The following ALK variants were observed in gnomAD, a reference collection of about 807,000 sequenced individuals.
ALK encodes ALK receptor tyrosine kinase, also known as ALK tyrosine kinase receptor.
A neutral mutation model predicts 163.1 loss-of-function variants in ALK; 74 were observed. The ratio of observed to expected loss-of-function variants is 0.45; its 90% CI spans 0.38 to 0.55. ALK has a LOEUF of 0.55. Ranked by LOEUF, ALK falls within the 20% of genes least tolerant of loss-of-function variation. ALK has a pLI of 0.00. For missense variants in ALK, 2,063 were observed against 2,105.3 expected (o/e 0.98, Z 0.39); for synonymous variants, 960 against 843.2 (o/e 1.14, Z -2.40).
chr2:29,852,435 CAAGT>C (rs1184516751), intron 1 of ALK, among the ~76,000 whole-genome samples: 1 of 152,182 alleles, frequency 6.6e-6, no homozygotes, highest in Non-Finnish European at 1.5e-5. Flanking sequence ...GCCAGACCTA[CAAGT>C]AAGACAGTTG....
intron 4 of ALK, among the ~76,000 whole-genome samples, chr2:29,457,549 C>G (rs1346528651): frequency 1.3e-5 from 2 of 152,144 alleles, no homozygotes; most frequent in Non-Finnish European, 1.5e-5. Flanking sequence ...GCCCTGAACC[C>G]TATTGTACAC....
At chr2:29,680,403 A>T (rs1456784051) in intron 3 of ALK, among the ~76,000 whole-genome samples, 1 of 152,096 alleles carries the variant, frequency 6.6e-6, no homozygotes, top group Non-Finnish European at 1.5e-5. Context: ...AGGGTGAAAA[A>T]TTTATACTGG....
At chr2:29,646,822 T>A (rs1441017373) in intron 3 of ALK, among the ~76,000 whole-genome samples, 1 of 152,200 alleles carries the variant, frequency 6.6e-6, no homozygotes, top group Non-Finnish European at 1.5e-5. Context: ...ACTCCTGCCT[T>A]CCTTGCTTTA....
chr2:29,451,868 C>T (rs931506201), intron 4 of ALK, among the ~76,000 whole-genome samples: 6 of 152,132 alleles, frequency 3.9e-5, no homozygotes, highest in Admixed American at 6.5e-5. Context: ...GTCCAGTGGA[C>T]GTTATTGCCA....
At chr2:29,205,792 C>T (rs915417684) in intron 26 of ALK, among the ~76,000 whole-genome samples, 6 of 152,176 alleles carry the variant, frequency 3.9e-5, no homozygotes, top group African/African-American at 1.4e-4. Context: ...AACTTCATCA[C>T]ATCTGCAAAG....
chr2:29,782,226 C>A (rs1039868814), intron 1 of ALK, among the ~76,000 whole-genome samples: 3 of 152,166 alleles, frequency 2.0e-5, no homozygotes, highest in African/African-American at 7.2e-5. Context: ...TGAGATTAGA[C>A]AAGGATTCTC....
intron 3 of ALK, among the ~76,000 whole-genome samples, chr2:29,615,656 T>C (rs1455481526): frequency 6.6e-6 from 1 of 152,218 alleles, no homozygotes; most frequent in Non-Finnish European, 1.5e-5. Context: ...ACTGGGAGGA[T>C]CCTTCATAGC....
At chr2:29,200,731 AT>A (rs2148146163) in intron 26 of ALK, among the ~76,000 whole-genome samples, 1 of 144,192 alleles carries the variant, frequency 6.9e-6, no homozygotes, top group African/African-American at 2.5e-5. Flanking sequence ...GTATATATGT[AT>A]ATATATACGT....
chr2:29,507,133 T>C (rs1011884488), intron 4 of ALK, among the ~76,000 whole-genome samples: 8 of 152,174 alleles, frequency 5.3e-5, no homozygotes, highest in African/African-American at 9.7e-5. Flanking sequence ...CAAGTCTCCA[T>C]TGACAGATGA....
At chr2:29,324,742 C>T (rs1039693597) in intron 6 of ALK, among the ~76,000 whole-genome samples, 2 of 152,194 alleles carry the variant, frequency 1.3e-5, no homozygotes, top group Non-Finnish European at 2.9e-5. Context: ...CGAAGACCCC[C>T]TTCAGTGCAT....
At chr2:29,629,459 G>C (rs542120270) in intron 3 of ALK, among the ~76,000 whole-genome samples, 23 of 152,156 alleles carry the variant, frequency 1.5e-4, no homozygotes, top group Admixed American at 6.5e-5. Flanking sequence ...TCTTGAGATG[G>C]AATATAGAAC....
At chr2:29,221,370 C>A in intron 22 of ALK, 1 of 427,974 alleles carries the variant, frequency 2.3e-6, no homozygotes, top group Non-Finnish European at 4.6e-6. Context: ...AACATGATCC[C>A]TTTAGGACAC....
chr2:29,683,124 C>T (rs1266349918), intron 3 of ALK, among the ~76,000 whole-genome samples: 2 of 152,172 alleles, frequency 1.3e-5, no homozygotes, highest in African/African-American at 4.8e-5. Context: ...CACCTGTAAT[C>T]TCAGCACTTT....
chr2:29,582,091 C>A (rs1674714029), intron 3 of ALK, among the ~76,000 whole-genome samples: 1 of 152,190 alleles, frequency 6.6e-6, no homozygotes, highest in Admixed American at 6.5e-5. Context: ...AAAGAAATAT[C>A]TCCCACTTAA....
chr2:29,666,063 T>A (rs1440107993), intron 3 of ALK, among the ~76,000 whole-genome samples: 3 of 152,146 alleles, frequency 2.0e-5, no homozygotes, highest in Admixed American at 2.0e-4. Context: ...CCATTTTCAA[T>A]TAATTTCCTG....
intron 1 of ALK, among the ~76,000 whole-genome samples, chr2:29,754,608 T>A (rs1286086932): frequency 2.0e-5 from 3 of 152,030 alleles, no homozygotes; most frequent in Admixed American, 2.0e-4. Context: ...GAGGATCGCT[T>A]GAGTTTGGGA....
intron 3 of ALK, among the ~76,000 whole-genome samples, chr2:29,685,794 A>G (rs1356261448): frequency 6.6e-6 from 1 of 152,214 alleles, no homozygotes; most frequent in African/African-American, 2.4e-5. Context: ...AAGAAGTCTA[A>G]AATGGGTTGG....
chr2:29,318,448 C>G (rs1666900419), intron 7 of ALK, 44 bp from the exon 8 acceptor site: 1 of 1,401,918 alleles, frequency 7.1e-7, no homozygotes, highest in Non-Finnish European at 1.0e-6. Flanking sequence ...TTATCAGGAA[C>G]TGGGGGACCA....
intron 12 of ALK, among the ~76,000 whole-genome samples, chr2:29,247,793 G>A (rs1428220627): frequency 6.6e-6 from 1 of 152,142 alleles, no homozygotes; most frequent in Non-Finnish European, 1.5e-5. Flanking sequence ...CCAGTGCCAG[G>A]CCTCGGTGGC....
Sources: allele counts gnomAD v4.1 joint callset (sites outside exome capture counted in the v4.1 genomes callset), GRCh38; gene constraint gnomAD v4.1.1; transcripts MANE v1.5; gene names NCBI Gene and HGNC (gene_info 2026-07-23, HGNC 2026-07-21).